Variants in MMAA observed in about 807,000 individuals in gnomAD.
MMAA encodes metabolism of cobalamin associated A, also known as methylmalonic aciduria type A protein, mitochondrial.
A neutral mutation model predicts 45.0 loss-of-function variants in MMAA; 41 were observed. That is an observed-to-expected ratio of 0.91 (90% CI 0.71 to 1.18). MMAA has a LOEUF of 1.18. Among genes scored for constraint, MMAA ranks in the 50% most tolerant of loss-of-function variants. The pLI, the probability that MMAA is intolerant of heterozygous loss-of-function variation, is 0.00. For synonymous variants in MMAA, 154 were observed against 178.2 expected (o/e 0.86, Z 1.08); for missense variants, 460 against 495.7 (o/e 0.93, Z 0.68).
intron 1 of MMAA, 80 bp from the exon 2 acceptor site, chr4:145,638,994 GA>G (rs1269335026): frequency 1.4e-5 from 10 of 726,396 alleles, no homozygotes; most frequent in Non-Finnish European, 2.1e-5. Flanking sequence ...GAATATGGGG[GA>G]AACACTAGGC....
chr4:145,646,402 G>T lies in MMAA; in HGVS notation c.733+246G>T, dbSNP rs1050216693. The T allele has an allele frequency of 2.8e-5, 13 of 461,788 alleles. No individual in the cohort carries two copies. The East Asian group carries it at 4.8e-4, about 17-fold the overall frequency. 28.6% of individuals were successfully genotyped at this position (461,788 alleles called of 1,614,324 possible). A position where few individuals can be genotyped will look rare whatever the true frequency, so the allele number is the denominator to read the frequency against. On this transcript the variant is annotated intron_variant, in intron 4 of 6. Transcript: ENST00000649156. ...GTTATACAGGTGGTATATTATACAT[G>T]CCAGAGGAGAACTGTAAACATTAGG...
intron 1 of MMAA, chr4:145,625,875 CTG>C: frequency 7.0e-7 from 1 of 1,437,392 alleles, no homozygotes; most frequent in Non-Finnish European, 9.7e-7. Flanking sequence ...GGTTATGCAA[CTG>C]TGAATCTGAG....
At chr4:145,633,422 T>C (rs1439795392) in intron 1 of MMAA, among the ~76,000 whole-genome samples, 1 of 151,706 alleles carries the variant, frequency 6.6e-6, no homozygotes, top group Non-Finnish European at 1.5e-5. Flanking sequence ...GGTCTCAAAC[T>C]CCTGACCTCA....
At chr4:145,620,500 C>T (rs931972247) in intron 1 of MMAA, among the ~76,000 whole-genome samples, 2 of 152,144 alleles carry the variant, frequency 1.3e-5, no homozygotes, top group Admixed American at 6.5e-5. Context: ...TGTATTTTTA[C>T]GTATTTTTTC....
rs1475057856 is a variant in MMAA at position 145,620,566 on chromosome 4, G to C, written c.-66+1159G>C. Among the ~76,000 whole-genome samples the C allele has an allele frequency of 2.0e-5, 3 of 152,056 alleles. No individual in the cohort carries two copies. The East Asian group carries it at 5.8e-4, about 29-fold the overall frequency. ...AGTTAACACACACCTTCTGTGGGTG[G>C]GCCAGGTGCAACTAGTTTGTGACCT... is the stretch of plus-strand genomic sequence containing the variant. On this transcript the variant is annotated intron_variant, in intron 1 of 6. Coordinates refer to ENST00000649156, the MANE Select transcript of MMAA (RefSeq NM_172250.3).
chr4:145,642,675 C>G, intron 3 of MMAA, 190 bp downstream of exon 3: 1 of 734,812 alleles, frequency 1.4e-6, no homozygotes, highest in Non-Finnish European at 2.3e-6. Context: ...TCAGAGGAGG[C>G]CAGCTTGTGG....
intron 1 of MMAA, among the ~76,000 whole-genome samples, chr4:145,635,972 A>G (rs140031035): frequency 2.3e-3 from 349 of 152,326 alleles, no homozygotes; most frequent in Non-Finnish European, 3.2e-3. Context: ...TGGCCCTGCC[A>G]CTGGCTATGA....
chr4:145,651,557 A>G (rs1049941698), intron 5 of MMAA, among the ~76,000 whole-genome samples: 1 of 152,298 alleles, frequency 6.6e-6, no homozygotes, highest in Middle Eastern at 3.4e-3. Context: ...ACAACTACCT[A>G]AAGTTAGTGC....
chr4:145,636,754 T>C (rs1727621399), intron 1 of MMAA, among the ~76,000 whole-genome samples: 1 of 152,260 alleles, frequency 6.6e-6, no homozygotes, highest in South Asian at 2.1e-4. Context: ...ATCTTGTCTG[T>C]GCCCATGGCA....
intron 1 of MMAA, among the ~76,000 whole-genome samples, chr4:145,629,678 C>G (rs1187035260): frequency 6.6e-6 from 1 of 152,118 alleles, no homozygotes; most frequent in African/African-American, 2.4e-5. Context: ...ACTTACAGTT[C>G]CACATGGCTG....
At chr4:145,639,031 T>A (rs1727699304) in intron 1 of MMAA, 44 bp from the exon 2 acceptor site, 2 of 992,758 alleles carry the variant, frequency 2.0e-6, no homozygotes, top group African/African-American at 3.2e-5. Flanking sequence ...CTTCAGTATT[T>A]TAGTTATATA....
chr4:145,654,219 C>A, intron 6 of MMAA, 76 bp downstream of exon 6: 1 of 1,520,494 alleles, frequency 6.6e-7, no homozygotes, highest in Non-Finnish European at 9.1e-7. Context: ...AAGTCCCAAA[C>A]TAGACATATA....
At chr4:145,628,770 C>T (rs1020601880) in intron 1 of MMAA, among the ~76,000 whole-genome samples, 6 of 152,090 alleles carry the variant, frequency 3.9e-5, no homozygotes, top group African/African-American at 1.4e-4. Context: ...GTAACATATG[C>T]TGTTTTTAAA....
intron 1 of MMAA, chr4:145,624,860 C>A: frequency 1.2e-6 from 2 of 1,611,904 alleles, no homozygotes. Context: ...CAAGCCAATC[C>A]TCTGTAACCA....
Position 145,657,271 on chromosome 4 carries a change from C to T in MMAA, c.*1837C>T, listed in dbSNP as rs1728260139. The T allele has an allele frequency of 6.6e-6, 1 of 152,118 alleles. No individual in the cohort carries two copies. Among genetic ancestry groups the T allele is most frequent in the African/African-American group, 2.4e-5 (1 of 41,434 alleles). 9.4% of individuals were successfully genotyped at this position (152,118 alleles called of 1,614,324 possible). ...GAAAACTCATTTCTCCTTATGTTGT[C>T]GTTGTACCATTGGGTATTGTATAGA... On this transcript the variant is annotated 3_prime_UTR_variant, in exon 7 of 7. Transcript: ENST00000649156.
At chr4:145,639,821 C>T (rs1231666454) in intron 2 of MMAA, 1 of 984,484 alleles carries the variant, frequency 1.0e-6, no homozygotes, top group Non-Finnish European at 1.2e-6. Context: ...TGGCAAGAAT[C>T]TTGCTCTGGA....
At chr4:145,638,230 G>A (rs566150539) in intron 1 of MMAA, among the ~76,000 whole-genome samples, 37 of 152,268 alleles carry the variant, frequency 2.4e-4, no homozygotes, top group African/African-American at 5.5e-4. Flanking sequence ...TTAGCCGGGC[G>A]TGGTTGCAGG....
At chr4:145,650,453 A>G (rs1425948676) in intron 4 of MMAA, 1 of 156,966 alleles carries the variant, frequency 6.4e-6, no homozygotes, top group Non-Finnish European at 1.4e-5. Flanking sequence ...GTCCTCATCA[A>G]GCGGGGAGAT....
rs1290643961 is a variant in MMAA, at chr4:145,639,578, G to A, written c.439G>A (p.Gly147Arg). 1 of 1,605,874 alleles carries A rather than the reference G, an allele frequency of 6.2e-7. No individual in the cohort carries two copies. Among genetic ancestry groups the A allele is most frequent in the African/African-American group, 1.3e-5 (1 of 74,496 alleles). The change falls in exon 2 of 7, where the codon GGA becomes AGA. Residue 147 changes from glycine to arginine, a missense_variant and splice_region_variant. Gly to Arg is a moderately radical substitution (Grantham distance 125). Transcript: ENST00000649156. Reference protein sequence around the residue: ...NKGKPLAFRVGLSGPPGAGKS... With the variant: ...NKGKPLAFRVRLSGPPGAGKS... ...AGGAAAACCACTAGCATTTCGAGTA[G>A]GTCAGTCTTTTTTGTGTGTTTTCTC...
Sources: allele counts gnomAD v4.1 joint callset (sites outside exome capture counted in the v4.1 genomes callset), GRCh38; gene constraint gnomAD v4.1.1; transcripts MANE v1.5; gene names NCBI Gene and HGNC (gene_info 2026-07-23, HGNC 2026-07-21).